USP16: variants seen among roughly 807,000 people sequenced by gnomAD.
USP16 encodes ubiquitin specific peptidase 16.
USP16 carries 77 observed loss-of-function variants against 95.9 expected under a neutral mutation model. The observed-to-expected ratio is 0.80, with a 90% CI of 0.67 to 0.97. USP16 has a LOEUF of 0.97. Ranked by LOEUF, USP16 falls within the 50% of genes least tolerant of loss-of-function variation. USP16 has a pLI of 0.00. For missense variants in USP16, 943 were observed against 959.9 expected (o/e 0.98, Z 0.23); for synonymous variants, 303 against 318.2 (o/e 0.95, Z 0.51).
chr21:29,047,352 T>G, intron 14 of USP16, 31 bp downstream of exon 14: 1 of 1,572,076 alleles, frequency 6.4e-7, no homozygotes, highest in Non-Finnish European at 8.6e-7. Flanking sequence ...TAAGTAAAAT[T>G]AATATTCAGG....
At chr21:29,034,729 A>G (rs2146368603) in intron 3 of USP16, 108 bp from the exon 4 acceptor site, 2 of 1,014,742 alleles carry the variant, frequency 2.0e-6, no homozygotes, top group Non-Finnish European at 3.0e-6. Flanking sequence ...TCAAGATTGT[A>G]AGAATGGCAG....
intron 2 of USP16, among the ~76,000 whole-genome samples, chr21:29,028,289 ATTTT>A (rs775282066): frequency 1.5e-5 from 2 of 136,730 alleles, no homozygotes; most frequent in Non-Finnish European, 1.6e-5. Context: ...CAGCCAGCTA[ATTTT>A]TTTTTTTTTT....
At chr21:29,026,421 A>T (rs188318295) in intron 1 of USP16, 1 of 133,302 alleles carries the variant, frequency 7.5e-6, no homozygotes, top group Non-Finnish European at 1.5e-5. Flanking sequence ...GGGCCACTGC[A>T]CTCCGGCCTG....
At chr21:29,035,321 T>G (rs2146369581) in intron 4 of USP16, among the ~76,000 whole-genome samples, 1 of 152,224 alleles carries the variant, frequency 6.6e-6, no homozygotes, top group South Asian at 2.1e-4. Context: ...GTAACATCAT[T>G]AAAACAGATT....
chr21:29,042,703 A>C (rs1418271830), intron 12 of USP16, 175 bp downstream of exon 12: 5 of 526,216 alleles, frequency 9.5e-6, no homozygotes. Flanking sequence ...AACTACTTTA[A>C]AAACAAGGAT....
intron 5 of USP16, 90 bp downstream of exon 5, chr21:29,036,464 C>G: frequency 5.8e-6 from 7 of 1,206,376 alleles, no homozygotes; most frequent in Admixed American, 1.9e-5. Context: ...GCATTACATA[C>G]AGCTGAGTAA....
At chr21:29,030,847 A>C in intron 3 of USP16, 74 bp downstream of exon 3, 1 of 1,493,066 alleles carries the variant, frequency 6.7e-7, no homozygotes, top group Admixed American at 2.2e-5. Flanking sequence ...TATTACCTGA[A>C]AGTACAGTAT....
At chr21:29,048,889 T>G in intron 15 of USP16, 34 bp downstream of exon 15, 1 of 1,481,396 alleles carries the variant, frequency 6.8e-7, no homozygotes, top group Non-Finnish European at 9.4e-7. Context: ...GTTTTAAATA[T>G]GTAACACCTA....
intron 14 of USP16, 61 bp from the exon 15 acceptor site, chr21:29,048,700 C>A: frequency 1.5e-6 from 2 of 1,300,248 alleles, no homozygotes; most frequent in African/African-American, 1.5e-5. Context: ...TATAGCAAAT[C>A]TGAATGCTTT....
intron 9 of USP16, among the ~76,000 whole-genome samples, chr21:29,040,206 C>T (rs1402994286): frequency 6.6e-6 from 1 of 152,092 alleles, no homozygotes; most frequent in Non-Finnish European, 1.5e-5. Context: ...AGAATCTAGG[C>T]TGTAGAGAAG....
At chr21:29,030,828 T>C in intron 3 of USP16, 55 bp downstream of exon 3, 3 of 1,540,536 alleles carry the variant, frequency 1.9e-6, no homozygotes, top group Middle Eastern at 1.9e-4. Context: ...TTGAACTTAC[T>C]TTAGAAGGTA....
intron 1 of USP16, chr21:29,026,631 C>G (rs898673998): frequency 2.0e-5 from 3 of 150,424 alleles, no homozygotes; most frequent in African/African-American, 7.4e-5. Context: ...GTCCTCCCAC[C>G]TCGATCTCCC....
chr21:29,040,087 T>G (rs1261323147), intron 9 of USP16, among the ~76,000 whole-genome samples: 1 of 152,230 alleles, frequency 6.6e-6, no homozygotes, highest in Non-Finnish European at 1.5e-5. Context: ...ATTTCGCACT[T>G]ATTTTTATGC....
intron 17 of USP16, 27 bp from the exon 18 acceptor site, chr21:29,054,039 G>A: frequency 6.2e-7 from 1 of 1,613,774 alleles, no homozygotes; most frequent in Non-Finnish European, 8.5e-7. Context: ...TTCCATTTAT[G>A]TTTGATTTTT....
intron 1 of USP16, among the ~76,000 whole-genome samples, chr21:29,027,291 A>G (rs1417689915): frequency 6.6e-6 from 1 of 152,220 alleles, no homozygotes; most frequent in African/African-American, 2.4e-5. Flanking sequence ...GTTGTAATCA[A>G]TTTTCATTTA....
intron 2 of USP16, 128 bp downstream of exon 2, chr21:29,028,102 A>T: frequency 1.4e-6 from 1 of 689,718 alleles, no homozygotes; most frequent in Non-Finnish European, 2.3e-6. Flanking sequence ...TTGTATCTAT[A>T]TGTCATTTAA....
chr21:29,036,959 T>C (rs1412036219), intron 5 of USP16, among the ~76,000 whole-genome samples: 1 of 152,244 alleles, frequency 6.6e-6, no homozygotes, highest in Non-Finnish European at 1.5e-5. Flanking sequence ...ATATTCTTAA[T>C]TTCACAAGGT....
chr21:29,054,116 G>A lies in USP16; in HGVS notation c.2401G>A (p.Val801Met). Residue 801 changes from valine (V) to methionine (M), a missense_variant, in exon 18 of 18, where the codon GTG (valine) becomes ATG (methionine). Physicochemically the swap from Val to Met is conservative, Grantham distance 21. Coordinates refer to ENST00000399976, the MANE Select transcript of USP16 (RefSeq NM_006447.3). ...GTGGTTTCACATCAGCGACACACAT[G>A]TGCAAGCTGTGCCTACAACTAAAGT... The part of the protein sequence containing the change: ...GQWFHISDTH[V>M]QAVPTTKVLN... 5 of 1,614,224 alleles carry A rather than the reference G, an allele frequency of 3.1e-6. No homozygotes were observed. The highest frequency in any genetic ancestry group is 4.2e-6 in the Non-Finnish European group (5 of 1,180,038).
intron 12 of USP16, 132 bp from the exon 13 acceptor site, chr21:29,043,291 A>G (rs543731369): frequency 4.8e-6 from 3 of 623,190 alleles, no homozygotes; most frequent in African/African-American, 3.8e-5. Context: ...TGTCTCATCT[A>G]TTTTCAAATA....
Sources: allele counts gnomAD v4.1 joint callset (sites outside exome capture counted in the v4.1 genomes callset), GRCh38; gene constraint gnomAD v4.1.1; transcripts MANE v1.5; gene names NCBI Gene and HGNC (gene_info 2026-07-23, HGNC 2026-07-21).